CARMIL1: variants seen among roughly 807,000 people sequenced by gnomAD.
The protein encoded by CARMIL1 is capping protein regulator and myosin 1 linker 1, also known as F-actin-uncapping protein LRRC16A.
A neutral mutation model predicts 177.1 loss-of-function variants in CARMIL1; 90 were observed. The ratio of observed to expected loss-of-function variants is 0.51; its 90% CI spans 0.43 to 0.61. The LOEUF (loss-of-function observed/expected upper bound fraction) is 0.61. Among genes scored for constraint, CARMIL1 ranks in the 20% least tolerant of loss-of-function variants. The pLI, the probability that CARMIL1 is intolerant of heterozygous loss-of-function variation, is 0.00. For synonymous variants in CARMIL1, 577 were observed against 606.2 expected, an observed-to-expected ratio of 0.95 and a Z score of 0.71; for missense variants, 1,380 against 1,667.0, an observed-to-expected ratio of 0.83 and a Z score of 3.00.
chr6:25,325,738 T>G (rs1181632192), intron 2 of CARMIL1, among the ~76,000 whole-genome samples: 3 of 152,208 alleles, frequency 2.0e-5, no homozygotes, highest in Non-Finnish European at 4.4e-5. Context: ...ATGGCTTGAT[T>G]AGTCTTGCTA....
Position 25,491,732 on chromosome 6 carries a change from C to A in CARMIL1, c.1066C>A (p.His356Asn). ...CATTTATCTTTTATTTTTTTTCAAG[C>A]ACATGTATAATTTTTTGGCCCAGCC... ...GNVLRGDDLS[H>N]MYNFLAQPNA... The change falls in exon 14 of 37, where the codon CAC (histidine) becomes AAC (asparagine). Residue 356 changes from histidine (H) to asparagine (N), a missense_variant and splice_region_variant. Coordinates refer to ENST00000329474, the MANE Select transcript of CARMIL1 (RefSeq NM_017640.6). The A allele has an allele frequency of 1.3e-6, 2 of 1,572,172 alleles. No homozygotes were observed. Among genetic ancestry groups the A allele is most frequent in the South Asian group, 1.2e-5 (1 of 86,780 alleles).
At chr6:25,524,875 G>A (rs2151087943) in intron 23 of CARMIL1, among the ~76,000 whole-genome samples, 1 of 152,276 alleles carries the variant, frequency 6.6e-6, no homozygotes, top group South Asian at 2.1e-4. Context: ...GACTGGACAT[G>A]GCTGAGGGAA....
At chr6:25,572,928 A>C (rs1290771205) in intron 29 of CARMIL1, among the ~76,000 whole-genome samples, 2 of 152,068 alleles carry the variant, frequency 1.3e-5, no homozygotes, top group African/African-American at 2.4e-5. Flanking sequence ...TACTAGTAAT[A>C]TTTTCTTTTT....
intron 16 of CARMIL1, among the ~76,000 whole-genome samples, chr6:25,498,235 G>A (rs187383401): frequency 2.0e-4 from 31 of 152,246 alleles, no homozygotes; most frequent in Non-Finnish European, 3.4e-4. Flanking sequence ...TAGTGCCACC[G>A]ATCTGGAGCT....
intron 2 of CARMIL1, among the ~76,000 whole-genome samples, chr6:25,413,102 C>T (rs1294585000): frequency 6.6e-6 from 1 of 152,102 alleles, no homozygotes; most frequent in Non-Finnish European, 1.5e-5. Flanking sequence ...CCACTTATAA[C>T]TCTGCAGTGG....
At chr6:25,395,234 G>A (rs895458355) in intron 2 of CARMIL1, among the ~76,000 whole-genome samples, 31 of 152,184 alleles carry the variant, frequency 2.0e-4, no homozygotes, top group African/African-American at 7.2e-4. Context: ...GGACGGCGGT[G>A]CAAGGAGAAA....
intron 2 of CARMIL1, among the ~76,000 whole-genome samples, chr6:25,382,407 CG>C (rs1322196610): frequency 6.6e-6 from 1 of 152,108 alleles, no homozygotes; most frequent in African/African-American, 2.4e-5. Context: ...CGGACCTTTG[CG>C]GTGAGTGTTA....
chr6:25,589,445 C>G (rs1188029732), intron 31 of CARMIL1, among the ~76,000 whole-genome samples: 5 of 152,190 alleles, frequency 3.3e-5, no homozygotes, highest in Admixed American at 6.5e-5. Context: ...GCACCCAAGA[C>G]AAAATAGAGT....
intron 5 of CARMIL1, 102 bp from the exon 6 acceptor site, chr6:25,449,796 A>G: frequency 1.6e-6 from 1 of 625,068 alleles, no homozygotes; most frequent in Non-Finnish European, 2.7e-6. Flanking sequence ...AATTGAAGTG[A>G]CCCTCATCTT....
At chr6:25,446,562 C>T (rs1483708177) in intron 5 of CARMIL1, among the ~76,000 whole-genome samples, 1 of 152,200 alleles carries the variant, frequency 6.6e-6, no homozygotes, top group Non-Finnish European at 1.5e-5. Flanking sequence ...TGTTTCATTC[C>T]AGACCACTAA....
chr6:25,281,458 C>T (rs927717198), intron 1 of CARMIL1, among the ~76,000 whole-genome samples: 3 of 152,052 alleles, frequency 2.0e-5, no homozygotes, highest in Admixed American at 2.0e-4. Context: ...TAGGTAATTA[C>T]TTAGGCCCAA....
In CARMIL1 at chr6:25,501,437, AAATGGAGAT is replaced by A. The variant is rs1804324620; in HGVS notation, c.1395+1206_1395+1214del. Among the ~76,000 whole-genome samples the A allele has an allele frequency of 6.6e-5, 10 of 152,312 alleles. No homozygotes were observed. The South Asian group carries it at 1.9e-3, about 28-fold the overall frequency. ...CTAAATCTCAATTTCTGTGCCTGCA[AAATGGAGAT>A]AATAGTAACTCTCCCAATGGATTGT... On this transcript the variant is annotated intron_variant, in intron 17 of 36. Transcript: ENST00000329474.
Position 25,279,741 on chromosome 6 carries a change from G to A in CARMIL1, c.-55G>A, listed in dbSNP as rs1780920107. ...AAATTGAGGAGTTCGGGGAAGGGCA[G>A]GGGGCCATAAATCAGAGTTGGACCT... On this transcript the variant is annotated 5_prime_UTR_variant, in exon 1 of 37. Transcript: ENST00000329474. 1.9e-5 allele frequency: 30 copies of A among 1,568,490 alleles called. No homozygotes were observed. The highest frequency in any genetic ancestry group is 2.5e-5 in the Non-Finnish European group (29 of 1,138,590).
At chr6:25,549,275 A>AGG (rs1326287099) in intron 26 of CARMIL1, among the ~76,000 whole-genome samples, 1 of 152,200 alleles carries the variant, frequency 6.6e-6, no homozygotes, top group Non-Finnish European at 1.5e-5. Context: ...ACTGTCATGC[A>AGG]GGGAGACCTT....
At chr6:25,479,221 TATTCTGACTTCTCTC>T (rs1801866867) in intron 11 of CARMIL1, 1 of 519,018 alleles carries the variant, frequency 1.9e-6, no homozygotes, top group Non-Finnish European at 3.8e-6. Flanking sequence ...AGATAACTAC[TATTCTGACTTCTCTC>T]ATGATGGATG....
chr6:25,450,826 TCC>T, intron 8 of CARMIL1, 115 bp downstream of exon 8: 1 of 300,404 alleles, frequency 3.3e-6, no homozygotes. Flanking sequence ...TCCCCTTCCC[TCC>T]CCTTCCCTCC....
chr6:25,378,548 C>T (rs1333931994), intron 2 of CARMIL1, among the ~76,000 whole-genome samples: 1 of 152,138 alleles, frequency 6.6e-6, no homozygotes, highest in African/African-American at 2.4e-5. Flanking sequence ...CAGTGGCTTC[C>T]CTCTGTCCTT....
intron 11 of CARMIL1, among the ~76,000 whole-genome samples, chr6:25,476,981 C>T (rs1361301064): frequency 1.3e-5 from 2 of 150,986 alleles, no homozygotes; most frequent in East Asian, 2.0e-4. Context: ...CCCAGCTACT[C>T]GAGAGGCTGA....
chr6:25,359,039 C>T (rs972672302), intron 2 of CARMIL1, among the ~76,000 whole-genome samples: 1 of 152,134 alleles, frequency 6.6e-6, no homozygotes, highest in African/African-American at 2.4e-5. Flanking sequence ...GGTGGTTGTG[C>T]ATTTATTATT....
Sources: gnomAD v4.1 joint callset for allele counts (sites outside exome capture counted in the v4.1 genomes callset) on GRCh38, gnomAD v4.1.1 for gene constraint, MANE v1.5 for transcripts, NCBI Gene and HGNC (gene_info 2026-07-23, HGNC 2026-07-21) for gene names.